The following NSUN3 variants were observed in gnomAD, a reference collection of about 807,000 sequenced individuals.
The protein encoded by NSUN3 is tRNA (cytosine(34)-C(5))-methyltransferase, mitochondrial.
In NSUN3, 24 loss-of-function variants were observed where a neutral mutation model predicts 36.8. The observed-to-expected ratio is 0.65, with a 90% CI of 0.47 to 0.92. NSUN3 has a LOEUF of 0.92. Ranked by LOEUF, NSUN3 falls within the 40% of genes least tolerant of loss-of-function variation. The pLI, the probability that NSUN3 is intolerant of heterozygous loss-of-function variation, is 0.00. For missense variants in NSUN3, 381 were observed against 392.8 expected, an observed-to-expected ratio of 0.97 and a Z score of 0.25; for synonymous variants, 146 against 145.2, an observed-to-expected ratio of 1.01 and a Z score of -0.04.
intron 5 of NSUN3, among the ~76,000 whole-genome samples, chr3:94,116,910 A>G (rs1171410587): frequency 2.6e-5 from 4 of 151,644 alleles, no homozygotes; most frequent in Non-Finnish European, 5.9e-5. Flanking sequence ...GTTATACCAC[A>G]TGAGATAAGT....
intron 2 of NSUN3, among the ~76,000 whole-genome samples, chr3:94,066,266 G>A (rs1288019190): frequency 6.6e-6 from 1 of 152,066 alleles, no homozygotes; most frequent in African/African-American, 2.4e-5. Context: ...TGGGGTTTTT[G>A]TGGTAATTTA....
intron 5 of NSUN3, among the ~76,000 whole-genome samples, chr3:94,105,653 C>T (rs1350232458): frequency 2.6e-5 from 4 of 152,070 alleles, no homozygotes; most frequent in Non-Finnish European, 5.9e-5. Context: ...CCCCCTTAGT[C>T]TGGCACACCA....
At position 94,129,541 on chromosome 3, in the gene NSUN3, A is replaced by G. The variant is rs1447192459; in HGVS notation, c.*3051A>G. ...TAGGCTGAAAAACTACCTATTGGGT[A>G]CTGCACTCACTACCTGGGTGACGGG... On this transcript the variant is annotated 3_prime_UTR_variant, in exon 6 of 6. Coordinates refer to ENST00000314622, the MANE Select transcript of NSUN3 (RefSeq NM_022072.5). 4.6e-5 allele frequency among the ~76,000 whole-genome samples: 7 copies of G among 152,078 alleles called. No homozygotes were observed. The highest frequency in any genetic ancestry group is 4.6e-4 in the Admixed American group (7 of 15,274).
intron 5 of NSUN3, among the ~76,000 whole-genome samples, chr3:94,118,755 A>C (rs1187241052): frequency 6.6e-6 from 1 of 151,776 alleles, no homozygotes; most frequent in Non-Finnish European, 1.5e-5. Context: ...AGAGAACCCA[A>C]CCTGTCTTTT....
intron 5 of NSUN3, among the ~76,000 whole-genome samples, chr3:94,101,434 C>G (rs909996377): frequency 6.6e-6 from 1 of 151,584 alleles, no homozygotes; most frequent in African/African-American, 2.4e-5. Context: ...ACATGAAAAA[C>G]TTATTGGAAG....
intron 3 of NSUN3, among the ~76,000 whole-genome samples, chr3:94,091,948 A>G (rs544149035): frequency 6.6e-6 from 1 of 152,342 alleles, no homozygotes; most frequent in African/African-American, 2.4e-5. Flanking sequence ...AACCCTAGCA[A>G]AGGCTCATGC....
intron 5 of NSUN3, among the ~76,000 whole-genome samples, chr3:94,104,414 T>C (rs1351260011): frequency 6.6e-6 from 1 of 152,220 alleles, no homozygotes; most frequent in African/African-American, 2.4e-5. Context: ...TGATCTTTTA[T>C]GTTAGCTCAC....
At chr3:94,111,118 G>A (rs1310303719) in intron 5 of NSUN3, among the ~76,000 whole-genome samples, 2 of 152,130 alleles carry the variant, frequency 1.3e-5, no homozygotes, top group Non-Finnish European at 2.9e-5. Flanking sequence ...ACAAGTTACT[G>A]TACTGAATAC....
At position 94,064,122 on chromosome 3, in the gene NSUN3, C is replaced by T. The variant is rs546044182; in HGVS notation, c.13-315C>T. 576 of 260,660 alleles carry T rather than the reference C, an allele frequency of 2.2e-3. 3 individuals carry two copies. The highest frequency in any genetic ancestry group is 3.1e-3 in the Non-Finnish European group (410 of 132,762). 16.1% of individuals were successfully genotyped at this position (260,660 alleles called of 1,614,324 possible). Reference sequence around the variant, plus strand: ...TCTGCCTCCCACAGTGCTGGGATTACAGGTGTGAGCCACCTGCCTAGCCCC... The same window carrying T: ...TCTGCCTCCCACAGTGCTGGGATTATAGGTGTGAGCCACCTGCCTAGCCCC... On this transcript the variant is annotated intron_variant, in intron 1 of 5. Coordinates refer to ENST00000314622, the MANE Select transcript of NSUN3 (RefSeq NM_022072.5).
chr3:94,076,474 C>T (rs1304058438), intron 2 of NSUN3: 22 of 787,042 alleles, frequency 2.8e-5, no homozygotes, highest in Non-Finnish European at 4.7e-5. Flanking sequence ...GGAACAGATG[C>T]CAGGAAACAT....
intron 5 of NSUN3, among the ~76,000 whole-genome samples, chr3:94,098,729 T>G (rs910157154): frequency 1.2e-4 from 18 of 152,142 alleles, no homozygotes; most frequent in African/African-American, 3.4e-4. Flanking sequence ...CTGTTCCTTT[T>G]CCTTGAGAGT....
intron 2 of NSUN3, among the ~76,000 whole-genome samples, chr3:94,081,193 G>A (rs965940318): frequency 6.6e-6 from 1 of 152,168 alleles, no homozygotes; most frequent in Non-Finnish European, 1.5e-5. Context: ...CTTCCCTGAT[G>A]AGGCGATGCC....
chr3:94,119,319 A>G (rs1013203919), intron 5 of NSUN3, among the ~76,000 whole-genome samples: 2 of 152,212 alleles, frequency 1.3e-5, no homozygotes, highest in African/African-American at 2.4e-5. Flanking sequence ...AACAGAAACT[A>G]TAGTGTGTAA....
chr3:94,102,661 G>A (rs994995377), intron 5 of NSUN3, among the ~76,000 whole-genome samples: 1 of 151,998 alleles, frequency 6.6e-6, no homozygotes. Context: ...TTTGCAGAAA[G>A]TACACACTTC....
rs559053075 is a variant in NSUN3, at chr3:94,090,497, G to A, written c.467-3643G>A. Among the ~76,000 whole-genome samples the A allele has an allele frequency of 1.0e-3, 158 of 152,140 alleles. 1 individual carries two copies. In the South Asian group the frequency reaches 0.015, roughly 15 times the overall value. ...TAAATATTCATTATTATAATGCCATGCTTCAATCAAGTCATCTACATTTAA... is the reference window on the plus strand; with the variant it reads ...TAAATATTCATTATTATAATGCCATACTTCAATCAAGTCATCTACATTTAA... On this transcript the variant is annotated intron_variant, in intron 3 of 5. Transcript: ENST00000314622.
chr3:94,104,746 T>G (rs1239151867), intron 5 of NSUN3, among the ~76,000 whole-genome samples: 2 of 152,134 alleles, frequency 1.3e-5, no homozygotes, highest in Non-Finnish European at 2.9e-5. Context: ...ACATAGAGGG[T>G]AGACACAAGA....
At chr3:94,088,452 C>T (rs889176818) in intron 3 of NSUN3, among the ~76,000 whole-genome samples, 17 of 152,122 alleles carry the variant, frequency 1.1e-4, no homozygotes, top group Non-Finnish European at 2.4e-4. Context: ...ATTTAACTCT[C>T]CAGCTCTGTG....
intron 5 of NSUN3, among the ~76,000 whole-genome samples, chr3:94,095,614 C>T (rs923211475): frequency 6.6e-6 from 1 of 152,152 alleles, no homozygotes; most frequent in African/African-American, 2.4e-5. Flanking sequence ...AAGGACCTGG[C>T]CACTGAACAT....
intron 1 of NSUN3, chr3:94,064,038 G>A (rs1037652390): frequency 6.2e-6 from 1 of 160,618 alleles, no homozygotes; most frequent in Admixed American, 6.3e-5. Context: ...TAGTAGAGAC[G>A]GGTTTCCCGT....
Sources: gnomAD v4.1 joint callset for allele counts (sites outside exome capture counted in the v4.1 genomes callset) on GRCh38, gnomAD v4.1.1 for gene constraint, MANE v1.5 for transcripts, NCBI Gene and HGNC (gene_info 2026-07-23, HGNC 2026-07-21) for gene names.